Variants in EPM2A observed in about 807,000 individuals in gnomAD.
EPM2A encodes laforin.
A neutral mutation model predicts 26.5 loss-of-function variants in EPM2A; 21 were observed. That is an observed-to-expected ratio of 0.79 (90% CI 0.56 to 1.14). The LOEUF (loss-of-function observed/expected upper bound fraction) is 1.14, where lower values mean the gene tolerates loss of function less well. Among genes scored for constraint, EPM2A ranks in the 50% most tolerant of loss-of-function variants. The pLI is 0.00. For missense variants in EPM2A, 458 were observed against 440.8 expected (o/e 1.04, Z -0.35); for synonymous variants, 217 against 177.6 (o/e 1.22, Z -1.76).
rs574164732 is a variant in EPM2A, at chr6:145,616,306, T to C, written c.340+18939A>G. The stretch of plus-strand genomic sequence containing the variant: ...TCAAGCCTTGGCAGCTTCCACGTGG[T>C]GTTGAGCCTGCCAGTGCACAGAAGT... On this transcript the variant is annotated intron_variant, in intron 2 of 3. Coordinates refer to the EPM2A transcript ENST00000450221. Among the ~76,000 whole-genome samples the C allele has an allele frequency of 1.7e-4, 26 of 152,324 alleles. 1 individual carries two copies. In the East Asian group the frequency reaches 1.9e-3, roughly 11 times the overall value.
chr6:145,727,655 G>A, intron 1 of EPM2A, among the ~76,000 whole-genome samples: 1 of 152,224 alleles, frequency 6.6e-6, no homozygotes, highest in Middle Eastern at 3.4e-3. Flanking sequence ...TTACAATCTG[G>A]TAGGAGACAA....
In EPM2A at chr6:145,626,408, A is replaced by G. The variant is rs974860542; in HGVS notation, c.*1008T>C. 10 of 985,780 alleles carry G rather than the reference A, an allele frequency of 1.0e-5. No individual in the cohort carries two copies. Among genetic ancestry groups the G allele is most frequent in the Non-Finnish European group, 1.1e-5 (9 of 829,990 alleles). The allele number at this position is 985,780 out of a possible 1,614,324, so 61.1% of individuals were successfully genotyped here. ...TTTGGTAGTATAGTTCCTCTCATGA[A>G]TTTCCACTCTGGTCTTAAAACAGCC... On this transcript the variant is annotated 3_prime_UTR_variant, in exon 4 of 4. Transcript: ENST00000367519.
intron 4 of EPM2A, among the ~76,000 whole-genome samples, chr6:145,428,442 G>C (rs372791940): frequency 1.3e-5 from 2 of 152,072 alleles, no homozygotes; most frequent in Non-Finnish European, 2.9e-5. Context: ...CCCAACGAGC[G>C]GTTAATCTAT....
At chr6:145,513,900 GT>G (rs1475432761) in intron 2 of EPM2A, among the ~76,000 whole-genome samples, 1 of 152,130 alleles carries the variant, frequency 6.6e-6, no homozygotes, top group Non-Finnish European at 1.5e-5. Context: ...CCTAACAAAA[GT>G]TTATTTCTGT....
chr6:145,537,422 T>A (rs1175959692), intron 2 of EPM2A, among the ~76,000 whole-genome samples: 1 of 152,132 alleles, frequency 6.6e-6, no homozygotes, highest in Non-Finnish European at 1.5e-5. Context: ...ATAATTATAC[T>A]CATTAGACAT....
chr6:145,597,481 T>G (rs1781363035), intron 2 of EPM2A, among the ~76,000 whole-genome samples: 1 of 152,066 alleles, frequency 6.6e-6, no homozygotes, highest in Admixed American at 6.5e-5. Flanking sequence ...TTTTTTCTTT[T>G]TTTTGGTAAG....
chr6:145,425,231 TGGCGTGATCTC>T (rs1778840300), intron 4 of EPM2A, among the ~76,000 whole-genome samples: 1 of 151,890 alleles, frequency 6.6e-6, no homozygotes, highest in Non-Finnish European at 1.5e-5. Flanking sequence ...TGGAGTGCAG[TGGCGTGATCTC>T]GGCTCACTGC....
At chr6:145,671,615 G>C (rs943743496) in intron 2 of EPM2A, among the ~76,000 whole-genome samples, 22 of 152,180 alleles carry the variant, frequency 1.4e-4, no homozygotes, top group Admixed American at 1.0e-3. Context: ...TTACAGGATT[G>C]TTCCAAGGTT....
chr6:145,686,185 T>G lies in EPM2A; in HGVS notation c.413A>C (p.Glu138Ala). 1 of 1,614,062 alleles carries G rather than the reference T, an allele frequency of 6.2e-7. No individual in the cohort carries two copies. The highest frequency in any genetic ancestry group is 2.2e-5 in the East Asian group (1 of 44,874). ...ATAGAAGTCTGTTGTGTGCTTCATT[T>G]CATTGGTGTGCCCAGTGGCCTCAAT... ...HWIEATGHTN[E>A]MKHTTDFYFN... is the part of the protein sequence containing the mutation. Residue 138 changes from glutamate (E) to alanine (A), a missense_variant, in exon 2 of 4, where the codon GAA becomes GCA. Coordinates refer to ENST00000367519, the MANE Select transcript of EPM2A (RefSeq NM_005670.4).
At chr6:145,541,981 A>G (rs1303248888) in intron 2 of EPM2A, among the ~76,000 whole-genome samples, 1 of 152,156 alleles carries the variant, frequency 6.6e-6, no homozygotes, top group Non-Finnish European at 1.5e-5. Context: ...TTAAAAAAAA[A>G]AGAGGCAAGG....
intron 2 of EPM2A, among the ~76,000 whole-genome samples, chr6:145,513,730 A>G (rs1395649131): frequency 2.0e-5 from 3 of 152,254 alleles, no homozygotes; most frequent in Non-Finnish European, 4.4e-5. Context: ...TACTTAAATT[A>G]TAAACTGTAG....
intron 4 of EPM2A, among the ~76,000 whole-genome samples, chr6:145,468,027 A>G (rs1431103259): frequency 2.0e-5 from 3 of 152,020 alleles, no homozygotes; most frequent in Admixed American, 2.0e-4. Context: ...TTTAATCCAT[A>G]TATTTTGGAT....
intron 4 of EPM2A, among the ~76,000 whole-genome samples, chr6:145,478,951 T>A (rs1044739684): frequency 6.6e-6 from 1 of 151,702 alleles, no homozygotes; most frequent in South Asian, 2.1e-4. Context: ...TGTTTCACTA[T>A]GTACTTTTCG....
At chr6:145,718,322 A>G (rs925093978) in intron 1 of EPM2A, among the ~76,000 whole-genome samples, 3 of 146,662 alleles carry the variant, frequency 2.0e-5, no homozygotes, top group African/African-American at 7.6e-5. Flanking sequence ...CCACATATCT[A>G]CAACTATCTG....
chr6:145,395,799 A>T (rs1220442127), intron 4 of EPM2A, among the ~76,000 whole-genome samples: 1 of 152,134 alleles, frequency 6.6e-6, no homozygotes, highest in Non-Finnish European at 1.5e-5. Flanking sequence ...TCTGAATTTT[A>T]TCTGGTACGC....
At chr6:145,425,936 T>C (rs1478537024) in intron 4 of EPM2A, among the ~76,000 whole-genome samples, 1 of 152,224 alleles carries the variant, frequency 6.6e-6, no homozygotes, top group East Asian at 1.9e-4. Flanking sequence ...TCATGAAGAT[T>C]ATTGCTTGCT....
At chr6:145,553,949 A>G (rs146864392) in intron 2 of EPM2A, among the ~76,000 whole-genome samples, 1 of 151,084 alleles carries the variant, frequency 6.6e-6, no homozygotes, top group East Asian at 1.9e-4. Context: ...CTGACTTTTA[A>G]GTATATGCAC....
intron 2 of EPM2A, among the ~76,000 whole-genome samples, chr6:145,613,901 A>G (rs978966864): frequency 6.6e-6 from 1 of 152,242 alleles, no homozygotes; most frequent in Non-Finnish European, 1.5e-5. Flanking sequence ...TCTGGCTTCA[A>G]CTTAAAGTCA....
At chr6:145,683,996 T>A (rs1483353813) in intron 2 of EPM2A, among the ~76,000 whole-genome samples, 1 of 152,048 alleles carries the variant, frequency 6.6e-6, no homozygotes, top group Non-Finnish European at 1.5e-5. Context: ...GAGGAAAAAG[T>A]ATAGTTCCAG....
Sources: allele counts gnomAD v4.1 joint callset (sites outside exome capture counted in the v4.1 genomes callset), GRCh38; gene constraint gnomAD v4.1.1; transcripts MANE v1.5; gene names NCBI Gene and HGNC (gene_info 2026-07-23, HGNC 2026-07-21).